The following GPC6 variants were observed in gnomAD, a reference collection of about 807,000 sequenced individuals.
The protein encoded by GPC6 is glypican 6, also known as glypican-6.
In GPC6, 14 loss-of-function variants were observed where a neutral mutation model predicts 55.2. The observed-to-expected ratio is 0.25, with a 90% CI of 0.17 to 0.40. The LOEUF is 0.40. Among genes scored for constraint, GPC6 ranks in the 10% least tolerant of loss-of-function variants. The pLI is 1.00. For missense variants in GPC6, 641 were observed against 708.5 expected (o/e 0.90, Z 1.08); for synonymous variants, 278 against 259.6 (o/e 1.07, Z -0.68).
At chr13:93,663,717 T>A (rs550817275) in intron 2 of GPC6, among the ~76,000 whole-genome samples, 1 of 152,318 alleles carries the variant, frequency 6.6e-6, no homozygotes, top group Non-Finnish European at 1.5e-5. Flanking sequence ...CACAGCTTTC[T>A]TGTCTACACA....
chr13:93,283,297 G>C (rs571104215), intron 1 of GPC6, among the ~76,000 whole-genome samples: 1 of 152,046 alleles, frequency 6.6e-6, no homozygotes, highest in Non-Finnish European at 1.5e-5. Context: ...ATAGAAAAGA[G>C]CTAAAAACAG....
chr13:94,143,656 G>A (rs914158046), intron 4 of GPC6, among the ~76,000 whole-genome samples: 1 of 152,142 alleles, frequency 6.6e-6, no homozygotes, highest in Non-Finnish European at 1.5e-5. Flanking sequence ...TGGAGGCCAA[G>A]GTGGGTGGAT....
intron 3 of GPC6, among the ~76,000 whole-genome samples, chr13:93,957,588 G>GTA (rs1469008809): frequency 6.6e-6 from 1 of 152,164 alleles, no homozygotes; most frequent in Non-Finnish European, 1.5e-5. Context: ...GTATTCCATG[G>GTA]TATATATGTA....
At chr13:93,739,349 GTATT>G (rs1013532485) in intron 2 of GPC6, among the ~76,000 whole-genome samples, 3 of 151,916 alleles carry the variant, frequency 2.0e-5, no homozygotes, top group African/African-American at 7.2e-5. Flanking sequence ...TTTCCTGTAT[GTATT>G]AAAGCTCAAA....
chr13:93,562,201 C>G (rs1875849600), intron 2 of GPC6, among the ~76,000 whole-genome samples: 1 of 151,908 alleles, frequency 6.6e-6, no homozygotes, highest in African/African-American at 2.4e-5. Flanking sequence ...GTGCCGTTAC[C>G]AGACTCAAGC....
intron 3 of GPC6, among the ~76,000 whole-genome samples, chr13:93,874,894 A>G (rs1356366683): frequency 6.6e-6 from 1 of 151,980 alleles, no homozygotes; most frequent in Non-Finnish European, 1.5e-5. Context: ...ATCTAAAATC[A>G]TCACATATAA....
chr13:93,851,761 G>A (rs768065954), intron 3 of GPC6, among the ~76,000 whole-genome samples: 19 of 151,526 alleles, frequency 1.3e-4, no homozygotes, highest in African/African-American at 3.1e-4. Flanking sequence ...ATATCAAATC[G>A]CACAGTCAAC....
intron 6 of GPC6, among the ~76,000 whole-genome samples, chr13:94,312,434 TC>T (rs757324425): frequency 2.6e-5 from 4 of 152,256 alleles, no homozygotes; most frequent in Non-Finnish European, 5.9e-5. Context: ...AAAATGTTCT[TC>T]CATGCCTCTT....
intron 2 of GPC6, among the ~76,000 whole-genome samples, chr13:93,634,824 G>A (rs971874815): frequency 6.6e-6 from 1 of 152,118 alleles, no homozygotes; most frequent in East Asian, 1.9e-4. Context: ...GTGGTCAGTC[G>A]CAGGCCAGCA....
chr13:93,303,540 A>G (rs1377206651), intron 1 of GPC6, among the ~76,000 whole-genome samples: 1 of 152,172 alleles, frequency 6.6e-6, no homozygotes, highest in East Asian at 1.9e-4. Flanking sequence ...CATAAACCCC[A>G]GGTGATAGAA....
chr13:93,490,063 C>T (rs557133989), intron 1 of GPC6, among the ~76,000 whole-genome samples: 68 of 151,430 alleles, frequency 4.5e-4, no homozygotes, highest in African/African-American at 1.5e-3. Context: ...AAAGGGAATG[C>T]TTCCAGTTTT....
rs527785681 is a variant in GPC6 at position 93,310,289 on chromosome 13, T to C, written c.160+82673T>C. Among the ~76,000 whole-genome samples the C allele has an allele frequency of 7.2e-5, 11 of 152,284 alleles. No homozygotes were observed. In the South Asian group the frequency reaches 2.3e-3, roughly 32 times the overall value. ...ACCGTATAAAAAACAATGCAGCTAATTGTTTCCAGTCAAGAAACTCCACCA... is the reference window on the plus strand; with the variant it reads ...ACCGTATAAAAAACAATGCAGCTAACTGTTTCCAGTCAAGAAACTCCACCA... On this transcript the variant is annotated intron_variant, in intron 1 of 8. Coordinates refer to ENST00000377047, the MANE Select transcript of GPC6 (RefSeq NM_005708.5).
At chr13:94,388,162 G>A (rs1161466422) in intron 7 of GPC6, among the ~76,000 whole-genome samples, 6 of 152,200 alleles carry the variant, frequency 3.9e-5, no homozygotes. Context: ...TGGCAACCAT[G>A]TGTTTTATCT....
At chr13:93,957,491 C>T (rs1250730730) in intron 3 of GPC6, among the ~76,000 whole-genome samples, 2 of 152,146 alleles carry the variant, frequency 1.3e-5, no homozygotes, top group Non-Finnish European at 2.9e-5. Flanking sequence ...CTTTCTGTTC[C>T]TGCATTAGTT....
At chr13:93,993,788 A>G (rs1881418186) in intron 3 of GPC6, among the ~76,000 whole-genome samples, 2 of 152,170 alleles carry the variant, frequency 1.3e-5, no homozygotes, top group Admixed American at 6.5e-5. Flanking sequence ...CTTAAATCCA[A>G]TTTAGCCATT....
chr13:93,443,117 T>A (rs2139291346), intron 1 of GPC6, among the ~76,000 whole-genome samples: 1 of 152,328 alleles, frequency 6.6e-6, no homozygotes, highest in East Asian at 1.9e-4. Context: ...TTCAACTGTT[T>A]ATCCTTAGAT....
chr13:93,760,754 T>C (rs547994127), intron 2 of GPC6, among the ~76,000 whole-genome samples: 48 of 152,328 alleles, frequency 3.2e-4, no homozygotes, highest in Non-Finnish European at 6.0e-4. Context: ...TTCTAGCAAA[T>C]GATTACATGT....
chr13:93,484,266 C>A (rs1879622415), intron 1 of GPC6, among the ~76,000 whole-genome samples: 1 of 152,006 alleles, frequency 6.6e-6, no homozygotes, highest in Non-Finnish European at 1.5e-5. Flanking sequence ...ATATTTTTAT[C>A]ACTTTAGGAA....
chr13:93,942,878 T>G (rs1453028154), intron 3 of GPC6, among the ~76,000 whole-genome samples: 1 of 152,210 alleles, frequency 6.6e-6, no homozygotes, highest in Non-Finnish European at 1.5e-5. Context: ...AAGGCTATTC[T>G]GTTGCTCAGA....
Sources: allele counts gnomAD v4.1 joint callset (sites outside exome capture counted in the v4.1 genomes callset), GRCh38; gene constraint gnomAD v4.1.1; transcripts MANE v1.5; gene names NCBI Gene and HGNC (gene_info 2026-07-23, HGNC 2026-07-21).